Variants in MAST4 observed in about 807,000 individuals in gnomAD.
MAST4 encodes microtubule-associated serine/threonine-protein kinase 4.
Under a neutral mutation model 162.7 loss-of-function variants are expected in MAST4, and 89 were observed. The observed-to-expected ratio is 0.55, with a 90% CI of 0.46 to 0.65. The LOEUF is 0.65. MAST4 is among the 30% of genes least tolerant of loss of function. The probability of loss-of-function intolerance (pLI) is 0.00; values close to 1 mark genes in which losing one functional copy is unlikely to be tolerated. For synonymous variants in MAST4, 1,479 were observed against 1,361.1 expected, an observed-to-expected ratio of 1.09 and a Z score of -1.91; for missense variants, 3,153 against 3,374.0, an observed-to-expected ratio of 0.93 and a Z score of 1.62.
At chr5:66,645,551 A>G (rs2149440928) in intron 1 of MAST4, among the ~76,000 whole-genome samples, 1 of 152,332 alleles carries the variant, frequency 6.6e-6, no homozygotes, top group Non-Finnish European at 1.5e-5. Context: ...ATTTTCAAGT[A>G]CATATGTTGA....
intron 9 of MAST4, among the ~76,000 whole-genome samples, chr5:67,103,648 G>A (rs184040580): frequency 7.9e-5 from 12 of 152,298 alleles, no homozygotes; most frequent in Admixed American, 3.9e-4. Flanking sequence ...ATTTTACCAA[G>A]GGAGTCCCCT....
At chr5:66,854,995 T>A (rs1333058059) in intron 3 of MAST4, among the ~76,000 whole-genome samples, 1 of 152,224 alleles carries the variant, frequency 6.6e-6, no homozygotes, top group African/African-American at 2.4e-5. Context: ...CAACAGAGAC[T>A]TCATCCTGTT....
chr5:67,155,304 G>C (rs1772350484), intron 26 of MAST4, among the ~76,000 whole-genome samples: 2 of 152,166 alleles, frequency 1.3e-5, no homozygotes, highest in Admixed American at 1.3e-4. Flanking sequence ...ATCCAGTTCA[G>C]CTCCCCACTG....
intron 4 of MAST4, among the ~76,000 whole-genome samples, chr5:66,951,629 T>C (rs1029967936): frequency 6.8e-6 from 1 of 146,382 alleles, no homozygotes; most frequent in Non-Finnish European, 1.5e-5. Context: ...TGTGTGTGTG[T>C]GTGTGTGTGT....
intron 8 of MAST4, 111 bp from the exon 9 acceptor site, chr5:67,102,420 ACTTTT>A (rs2150860563): frequency 1.1e-6 from 1 of 899,850 alleles, no homozygotes; most frequent in South Asian, 1.3e-5. Context: ...TATCTGATAT[ACTTTT>A]CTTACAAAGG....
At chr5:66,863,933 C>G (rs1002667848) in intron 3 of MAST4, among the ~76,000 whole-genome samples, 1 of 152,202 alleles carries the variant, frequency 6.6e-6, no homozygotes, top group African/African-American at 2.4e-5. Flanking sequence ...TAATCAAATT[C>G]TTCTCAAGCC....
At chr5:66,655,778 C>A (rs1746505252) in intron 1 of MAST4, among the ~76,000 whole-genome samples, 1 of 152,156 alleles carries the variant, frequency 6.6e-6, no homozygotes, top group Non-Finnish European at 1.5e-5. Flanking sequence ...TGTTAACATT[C>A]ATACTGTGGA....
intron 4 of MAST4, among the ~76,000 whole-genome samples, chr5:66,948,797 T>A (rs1744331696): frequency 6.6e-6 from 1 of 152,182 alleles, no homozygotes. Context: ...TTTAGTAATC[T>A]TTTTTAGCTA....
intron 15 of MAST4, 60 bp from the exon 16 acceptor site, chr5:67,131,753 A>G: frequency 6.4e-7 from 1 of 1,570,876 alleles, no homozygotes; most frequent in African/African-American, 1.4e-5. Context: ...TGCAGTCTAA[A>G]CTGATTTTCT....
At chr5:67,109,306 A>G (rs1462875377) in intron 10 of MAST4, among the ~76,000 whole-genome samples, 1 of 152,164 alleles carries the variant, frequency 6.6e-6, no homozygotes, top group East Asian at 1.9e-4. Flanking sequence ...CCAACATGAT[A>G]ACACAAGTGG....
rs149351004 is a variant in MAST4 at position 67,128,383 on chromosome 5, C to T, written c.1746-1827C>T. ...GTGGGAATAACAGCACTAGATCATT[C>T]GGTGCATTGATTATAGGAGGTATGG... is the stretch of plus-strand genomic sequence containing the variant. On this transcript the variant is annotated intron_variant, in intron 14 of 28. Transcript: ENST00000403625. 3.1e-4 allele frequency among the ~76,000 whole-genome samples: 47 copies of T among 152,096 alleles called. 1 individual carries two copies. The East Asian group carries it at 8.1e-3, about 26-fold the overall frequency.
intron 3 of MAST4, among the ~76,000 whole-genome samples, chr5:66,831,071 G>A (rs369595366): frequency 6.6e-6 from 1 of 152,134 alleles, no homozygotes; most frequent in African/African-American, 2.4e-5. Context: ...GTAGAGTTGA[G>A]TTCTTTAAAG....
chr5:66,707,652 A>G (rs905522057), intron 1 of MAST4, among the ~76,000 whole-genome samples: 1 of 152,134 alleles, frequency 6.6e-6, no homozygotes, highest in Non-Finnish European at 1.5e-5. Flanking sequence ...TGGATTAGAT[A>G]CTTAACCTAA....
chr5:66,836,298 T>C (rs1757965575), intron 3 of MAST4, among the ~76,000 whole-genome samples: 1 of 152,154 alleles, frequency 6.6e-6, no homozygotes, highest in South Asian at 2.1e-4. Context: ...ATATGCATTA[T>C]ATGTTGGTGA....
At chr5:66,611,152 T>C (rs1238460121) in intron 1 of MAST4, among the ~76,000 whole-genome samples, 2 of 152,278 alleles carry the variant, frequency 1.3e-5, no homozygotes, top group Non-Finnish European at 2.9e-5. Flanking sequence ...ATTTGCATGT[T>C]CTGTCTCCTG....
chr5:66,807,740 A>G (rs138879863), intron 3 of MAST4, among the ~76,000 whole-genome samples: 492 of 152,238 alleles, frequency 3.2e-3, no homozygotes, highest in Non-Finnish European at 4.7e-3. Context: ...TCTGTTGGGC[A>G]TTTCCTCCTC....
intron 3 of MAST4, among the ~76,000 whole-genome samples, chr5:66,863,925 A>G (rs1760297187): frequency 6.6e-6 from 1 of 152,172 alleles, no homozygotes; most frequent in Non-Finnish European, 1.5e-5. Context: ...TAATCCCTTA[A>G]TCAAATTCTT....
chr5:66,655,262 T>A (rs1328158860), intron 1 of MAST4, among the ~76,000 whole-genome samples: 2 of 152,188 alleles, frequency 1.3e-5, no homozygotes, highest in Admixed American at 1.3e-4. Flanking sequence ...AAATTGGGGT[T>A]CATGGGATTT....
At chr5:67,041,859 C>A (rs79287740) in intron 4 of MAST4, among the ~76,000 whole-genome samples, 2 of 152,216 alleles carry the variant, frequency 1.3e-5, no homozygotes, top group East Asian at 3.8e-4. Context: ...AAACTCCTGA[C>A]CTCAAGTGAT....
Sources: gnomAD v4.1 joint callset for allele counts (sites outside exome capture counted in the v4.1 genomes callset) on GRCh38, gnomAD v4.1.1 for gene constraint, MANE v1.5 for transcripts, NCBI Gene and HGNC (gene_info 2026-07-23, HGNC 2026-07-21) for gene names.